Variants in CDKAL1 observed in about 807,000 individuals in gnomAD.
CDKAL1 encodes the protein CDKAL1 threonylcarbamoyladenosine tRNA methylthiotransferase.
Under a neutral mutation model 68.2 loss-of-function variants are expected in CDKAL1, and 32 were observed. The ratio of observed to expected loss-of-function variants is 0.47; its 90% CI spans 0.35 to 0.63. CDKAL1 has a LOEUF of 0.63. CDKAL1 is among the 30% of genes least tolerant of loss of function. CDKAL1 has a pLI of 0.00. For synonymous variants in CDKAL1, 234 were observed against 244.3 expected, an observed-to-expected ratio of 0.96 and a Z score of 0.39; for missense variants, 606 against 696.7, an observed-to-expected ratio of 0.87 and a Z score of 1.47.
At chr6:21,065,251 T>A in intron 12 of CDKAL1, 23 bp downstream of exon 12, 1 of 1,581,458 alleles carries the variant, frequency 6.3e-7, no homozygotes, top group Non-Finnish European at 8.6e-7. Flanking sequence ...TCTTGTAAGG[T>A]ATTGTTTTTT....
At chr6:20,947,092 C>T (rs1193624067) in intron 9 of CDKAL1, among the ~76,000 whole-genome samples, 1 of 151,738 alleles carries the variant, frequency 6.6e-6, no homozygotes, top group Admixed American at 6.6e-5. Flanking sequence ...TAGAAGGAGT[C>T]AATGAATGAA....
At chr6:20,906,558 G>C (rs1461034461) in intron 9 of CDKAL1, among the ~76,000 whole-genome samples, 3 of 152,000 alleles carry the variant, frequency 2.0e-5, no homozygotes, top group Non-Finnish European at 2.9e-5. Flanking sequence ...CCATTATAAA[G>C]TCAAAAAGTT....
chr6:21,008,327 G>A (rs1264392861), intron 11 of CDKAL1, among the ~76,000 whole-genome samples: 2 of 152,104 alleles, frequency 1.3e-5, no homozygotes, highest in African/African-American at 4.8e-5. Flanking sequence ...GGTAAGAACA[G>A]AAGTCTAGGG....
At position 21,188,001 on chromosome 6, in the gene CDKAL1, T is replaced by A. The variant is rs1409485333; in HGVS notation, c.1300-10020T>A. Among the ~76,000 whole-genome samples, 3 of 152,252 alleles carry A rather than the reference T, an allele frequency of 2.0e-5. No homozygotes were observed. The South Asian group carries it at 6.2e-4, about 31-fold the overall frequency. ...ATTCGTTGAAAATTAAGTGAAACTT[T>A]TTTCACATATGTGCTGTATGTAGAT... On this transcript the variant is annotated intron_variant, in intron 13 of 15. Transcript: ENST00000274695.
intron 5 of CDKAL1, among the ~76,000 whole-genome samples, chr6:20,657,344 C>T (rs973960683): frequency 2.0e-5 from 3 of 152,170 alleles, no homozygotes; most frequent in Non-Finnish European, 2.9e-5. Context: ...ATCCTTTATA[C>T]CCAAATGTAA....
chr6:20,560,563 A>G (rs1422704198), intron 4 of CDKAL1, among the ~76,000 whole-genome samples: 4 of 152,224 alleles, frequency 2.6e-5, no homozygotes, highest in Non-Finnish European at 5.9e-5. Context: ...CATACTCACT[A>G]AAAACTAACC....
intron 9 of CDKAL1, among the ~76,000 whole-genome samples, chr6:20,853,919 T>C (rs1201831096): frequency 1.3e-5 from 2 of 152,208 alleles, no homozygotes; most frequent in East Asian, 1.9e-4. Flanking sequence ...ACAATCGTTG[T>C]TAATTTGCTA....
intron 4 of CDKAL1, among the ~76,000 whole-genome samples, chr6:20,571,797 G>C (rs116189401): frequency 0.011 from 1,676 of 152,052 alleles, 31 homozygotes; most frequent in African/African-American, 0.037. Flanking sequence ...AAATGCATTT[G>C]AGCTTCTTGG....
At chr6:20,799,511 A>T (rs1470022722) in intron 8 of CDKAL1, among the ~76,000 whole-genome samples, 3 of 150,712 alleles carry the variant, frequency 2.0e-5, no homozygotes, top group Non-Finnish European at 4.4e-5. Context: ...AAGAATTTTT[A>T]AAAAGACAGT....
chr6:21,170,105 G>A (rs964176711), intron 13 of CDKAL1, among the ~76,000 whole-genome samples: 1 of 152,134 alleles, frequency 6.6e-6, no homozygotes, highest in Non-Finnish European at 1.5e-5. Flanking sequence ...GTTCTGTGGA[G>A]CACACAACTG....
chr6:21,155,626 A>G (rs1562077752), intron 13 of CDKAL1, among the ~76,000 whole-genome samples: 1 of 152,224 alleles, frequency 6.6e-6, no homozygotes, highest in East Asian at 1.9e-4. Flanking sequence ...CCTAGCACGT[A>G]TAGAAGGTTA....
chr6:20,597,488 C>A (rs1765883992), intron 4 of CDKAL1, among the ~76,000 whole-genome samples: 1 of 151,832 alleles, frequency 6.6e-6, no homozygotes, highest in Admixed American at 6.6e-5. Context: ...AATATTGGCT[C>A]ACTGCAACCT....
At chr6:21,066,011 T>C (rs1771418935) in intron 12 of CDKAL1, among the ~76,000 whole-genome samples, 1 of 151,698 alleles carries the variant, frequency 6.6e-6, no homozygotes, top group Non-Finnish European at 1.5e-5. Context: ...ACTTTTGCAC[T>C]AACCTAAATT....
intron 8 of CDKAL1, among the ~76,000 whole-genome samples, chr6:20,841,436 C>G (rs1463125931): frequency 1.3e-5 from 2 of 151,748 alleles, no homozygotes; most frequent in African/African-American, 4.8e-5. Context: ...ATGCTCTTTA[C>G]AAAAAAAGAA....
At chr6:20,914,418 A>T (rs913502598) in intron 9 of CDKAL1, among the ~76,000 whole-genome samples, 13 of 151,860 alleles carry the variant, frequency 8.6e-5, no homozygotes, top group Non-Finnish European at 1.9e-4. Context: ...TCTCTTACCG[A>T]GTTTTATGGT....
At chr6:20,888,940 C>T (rs1343364841) in intron 9 of CDKAL1, among the ~76,000 whole-genome samples, 3 of 152,304 alleles carry the variant, frequency 2.0e-5, no homozygotes, top group East Asian at 1.9e-4. Flanking sequence ...CCTGAGGAAT[C>T]GTCACACTGA....
chr6:20,781,200 A>C lies in CDKAL1; in HGVS notation c.573A>C (p.Gly191=), dbSNP rs148570049. Residue 191 remains glycine (G), a synonymous_variant, in exon 8 of 16, where the codon GGA becomes GGC. Coordinates refer to ENST00000274695, the MANE Select transcript of CDKAL1 (RefSeq NM_017774.3). ...AGGATAATGGAAGGCGGCTTGGGGG[A>C]GCACGATTGGATTTGCCGAAGATTA... ...QKKDNGRRLG[G]ARLDLPKIRK... is the part of the protein sequence containing the mutation. 2.7e-5 allele frequency: 44 copies of C among 1,613,660 alleles called. No homozygotes were observed. The highest frequency in any genetic ancestry group is 3.6e-5 in the Non-Finnish European group (43 of 1,179,766).
At chr6:20,601,690 T>G (rs1766103132) in intron 4 of CDKAL1, among the ~76,000 whole-genome samples, 1 of 152,188 alleles carries the variant, frequency 6.6e-6, no homozygotes, top group Non-Finnish European at 1.5e-5. Flanking sequence ...GATTATTTCA[T>G]TGCATTGTAG....
At position 20,803,549 on chromosome 6, in the gene CDKAL1, C is replaced by T. The variant is rs141886103; in HGVS notation, c.638+22284C>T. Among the ~76,000 whole-genome samples, 721 of 152,156 alleles carry T rather than the reference C, an allele frequency of 4.7e-3. 3 individuals are homozygous for T. The highest frequency in any genetic ancestry group is 0.017 in the African/African-American group (693 of 41,514). On this transcript the variant is annotated intron_variant, in intron 8 of 15. Transcript: ENST00000274695. ...TTGAGAACTAAAAATAAGCCATTGGCGGTGATAGTAAAGTGTTCATGGTAA... is the reference window on the plus strand; with the variant it reads ...TTGAGAACTAAAAATAAGCCATTGGTGGTGATAGTAAAGTGTTCATGGTAA...
Sources: gnomAD v4.1 joint callset for allele counts (sites outside exome capture counted in the v4.1 genomes callset) on GRCh38, gnomAD v4.1.1 for gene constraint, MANE v1.5 for transcripts, NCBI Gene and HGNC (gene_info 2026-07-23, HGNC 2026-07-21) for gene names.